ACO2: variants seen among roughly 807,000 people sequenced by gnomAD.
ACO2 encodes the protein aconitase 2, also known as aconitate hydratase, mitochondrial.
Under a neutral mutation model 84.5 loss-of-function variants are expected in ACO2, and 31 were observed. The observed-to-expected ratio is 0.37, with a 90% CI of 0.28 to 0.50. ACO2 has a LOEUF of 0.50. Ranked by LOEUF, ACO2 falls within the 20% of genes least tolerant of loss-of-function variation. ACO2 has a pLI of 0.97. For missense variants in ACO2, 685 were observed against 1,029.3 expected (o/e 0.67, Z 4.58); for synonymous variants, 414 against 412.7 (o/e 1.00, Z -0.04).
chr22:41,488,255 A>T (rs751697167), intron 1 of ACO2, among the ~76,000 whole-genome samples: 1 of 152,132 alleles, frequency 6.6e-6, no homozygotes, highest in Non-Finnish European at 1.5e-5. Flanking sequence ...GCTATAGCAG[A>T]TGGGACGTGG....
Position 41,515,711 on chromosome 22 carries a change from G to A in ACO2, c.685-56G>A, listed in dbSNP as rs537367472. On this transcript the variant is annotated intron_variant, in intron 5 of 17. Transcript: ENST00000216254. The surrounding 1 kb of genome is among the most constrained non-coding windows in gnomAD (Gnocchi z 5.8). ...ATGGCAGCAGGGCCATCCTGACTTCGTGGCTGGCACAGGCACACACGGCCT... is the reference window on the plus strand; with the variant it reads ...ATGGCAGCAGGGCCATCCTGACTTCATGGCTGGCACAGGCACACACGGCCT... 5.3e-5 allele frequency: 85 copies of A among 1,610,284 alleles called. 1 individual carries two copies. The Middle Eastern group carries it at 8.6e-4, about 16-fold the overall frequency.
At chr22:41,527,774 GTC>G in intron 16 of ACO2, 125 bp from the exon 17 acceptor site, 1 of 1,498,286 alleles carries the variant, frequency 6.7e-7, no homozygotes, top group Non-Finnish European at 9.0e-7. Context: ...GGGCCCCATA[GTC>G]ACTGCCCGGG....
chr22:41,494,241 C>T (rs937803254), intron 1 of ACO2, among the ~76,000 whole-genome samples: 4 of 152,152 alleles, frequency 2.6e-5, no homozygotes, highest in Admixed American at 1.3e-4. Context: ...ACAGCAGGCA[C>T]GTGGGTCACT....
chr22:41,527,187 G>T, intron 15 of ACO2, 101 bp from the exon 16 acceptor site: 1 of 1,574,520 alleles, frequency 6.4e-7, no homozygotes, highest in Non-Finnish European at 8.7e-7. Flanking sequence ...GGAGCCTCAG[G>T]ATGCCCAGGC....
At position 41,528,481 on chromosome 22, in the gene ACO2, C is replaced by T. The variant is rs1331612820; in HGVS notation, c.2211C>T (p.Pro737=). ...QGLKDFTPGK[P]LKCIIKHPNG... is the part of the protein sequence containing the mutation. ...CCACACCCACCTTCTCCTTGCAGCC[C>T]CTGAAGTGCATCATCAAGCACCCCA... The change falls in exon 18 of 18, where the codon CCC becomes CCT. Residue 737 remains proline (P), a splice_region_variant and synonymous_variant. Coordinates refer to ENST00000216254, the MANE Select transcript of ACO2 (RefSeq NM_001098.3). 1.9e-6 allele frequency: 3 copies of T among 1,612,114 alleles called. No individual in the cohort carries two copies. The highest frequency in any genetic ancestry group is 2.2e-5 in the South Asian group (2 of 90,990).
At chr22:41,497,927 C>T (rs1056113814) in intron 1 of ACO2, among the ~76,000 whole-genome samples, 1 of 151,852 alleles carries the variant, frequency 6.6e-6, no homozygotes, top group African/African-American at 2.4e-5. Flanking sequence ...AGGCGGATCA[C>T]GAGTTCAAGA....
At chr22:41,520,630 C>T (rs1440843033) in intron 9 of ACO2, among the ~76,000 whole-genome samples, 2 of 151,912 alleles carry the variant, frequency 1.3e-5, no homozygotes, top group African/African-American at 4.8e-5. Flanking sequence ...ATCATGAGGT[C>T]AGGAGATCGA....
chr22:41,524,975 GC>G lies in ACO2; in HGVS notation c.1605+10del. The G allele has an allele frequency of 1.2e-6, 2 of 1,614,130 alleles. No homozygotes were observed. The highest frequency in any genetic ancestry group is 2.2e-5 in the South Asian group (2 of 91,088). On this transcript the variant is annotated splice_region_variant and intron_variant, in intron 13 of 17. Transcript: ENST00000216254. The stretch of plus-strand genomic sequence containing the variant: ...AGATGAGCTTCCCAAAGGGGTGAGC[GC>G]CCACGCCCCCTGCTTGCTGGTTGCT...
rs185410101 is a variant in ACO2 at position 41,509,066 on chromosome 22, C to T, written c.432+1017C>T. Among the ~76,000 whole-genome samples the T allele has an allele frequency of 2.3e-3, 357 of 152,272 alleles. 2 individuals are homozygous for T. Among genetic ancestry groups the T allele is most frequent in the African/African-American group, 8.0e-3 (334 of 41,556 alleles). ...TGAAAGGACAGTCCTGCCTGCCGGCCGGCGGTTTCCACATTAGCAACAACA... is the reference window on the plus strand; with the variant it reads ...TGAAAGGACAGTCCTGCCTGCCGGCTGGCGGTTTCCACATTAGCAACAACA... On this transcript the variant is annotated intron_variant, in intron 3 of 17. Coordinates refer to ENST00000216254, the MANE Select transcript of ACO2 (RefSeq NM_001098.3).
Position 41,528,841 on chromosome 22 carries a change from C to T in ACO2, c.*228C>T, listed in dbSNP as rs1160237076. On this transcript the variant is annotated 3_prime_UTR_variant, in exon 18 of 18. Coordinates refer to ENST00000216254, the MANE Select transcript of ACO2 (RefSeq NM_001098.3). ...TGAGTTTGGTTCAGATCTTAAGCAGCTCCATGCAACTGTATTTATTTTTGA... is the reference window on the plus strand; with the variant it reads ...TGAGTTTGGTTCAGATCTTAAGCAGTTCCATGCAACTGTATTTATTTTTGA... 2.6e-5 allele frequency: 15 copies of T among 575,326 alleles called. No homozygotes were observed. The highest frequency in any genetic ancestry group is 2.4e-4 in the Admixed American group (7 of 29,354). 35.6% of individuals were successfully genotyped at this position (575,326 alleles called of 1,614,324 possible). A position where few individuals can be genotyped will look rare whatever the true frequency, so the allele number is the denominator to read the frequency against.
In ACO2 at chr22:41,507,781, C is replaced by T; in HGVS notation, c.174-10C>T. 1 of 1,611,156 alleles carries T rather than the reference C, an allele frequency of 6.2e-7. No individual in the cohort carries two copies. The highest frequency in any genetic ancestry group is 1.1e-5 in the South Asian group (1 of 90,708). On this transcript the variant is annotated splice_polypyrimidine_tract_variant and intron_variant, in intron 2 of 17. Coordinates refer to ENST00000216254, the MANE Select transcript of ACO2 (RefSeq NM_001098.3). ...AGCACCAGGCCACCCTTCTGCTCTT[C>T]TCCCCACAGACTGAACCGGCCGCTG... is the stretch of plus-strand genomic sequence containing the variant.
rs576127948 is a variant in ACO2, at chr22:41,508,022, G to A, written c.405G>A (p.Gly135=). 14 of 1,613,152 alleles carry A rather than the reference G, an allele frequency of 8.7e-6. No individual in the cohort carries two copies. The South Asian group carries it at 1.5e-4, about 18-fold the overall frequency. Residue 135 remains glycine, a synonymous_variant, in exon 3 of 18, where the codon GGG becomes GGA. Transcript: ENST00000216254. ...ACCATCTGATTGAAGCCCAGGTTGG[G>A]GGCGAGAAAGACCTGCGCCGGGCCA... ...HCDHLIEAQV[G]GEKDLRRAKD...
chr22:41,527,165 G>A, intron 15 of ACO2, 123 bp from the exon 16 acceptor site: 2 of 1,465,256 alleles, frequency 1.4e-6, no homozygotes, highest in Non-Finnish European at 9.4e-7. Context: ...GGCCCCTCCA[G>A]CCCCTTTACC....
chr22:41,486,252 A>G (rs1206072670), intron 1 of ACO2, among the ~76,000 whole-genome samples: 1 of 152,016 alleles, frequency 6.6e-6, no homozygotes, highest in East Asian at 1.9e-4. Context: ...ATAGAGTGCA[A>G]ATGTGCTGCT....
intron 16 of ACO2, 179 bp downstream of exon 16, chr22:41,527,599 G>C (rs976008265): frequency 1.1e-6 from 1 of 923,322 alleles, no homozygotes. Flanking sequence ...CAGCTTCCCG[G>C]CTTCCCGCAG....
chr22:41,491,596 A>G (rs1485412437), intron 1 of ACO2, among the ~76,000 whole-genome samples: 2 of 152,214 alleles, frequency 1.3e-5, no homozygotes, highest in Non-Finnish European at 2.9e-5. Context: ...AGTAAGAAAA[A>G]TAAGAAGAGG....
At position 41,489,338 on chromosome 22, in the gene ACO2, A is replaced by G. The variant is rs150759108; in HGVS notation, c.37-10388A>G. The stretch of plus-strand genomic sequence containing the variant: ...GGATTACAGGTGTTGTGAGCCCTGC[A>G]CTGGCCAAATAATAATACTCTTAAT... On this transcript the variant is annotated intron_variant, in intron 1 of 17. Transcript: ENST00000216254. Among the ~76,000 whole-genome samples the G allele has an allele frequency of 1.4e-3, 209 of 152,278 alleles. 5 individuals carry two copies. In the East Asian group the frequency reaches 0.035, roughly 25 times the overall value.
Position 41,527,380 on chromosome 22 carries a change from G to C in ACO2, c.2046G>C (p.Gly682=). 6.2e-7 allele frequency: 1 copy of C among 1,613,716 alleles called. No individual in the cohort carries two copies. The highest frequency in any genetic ancestry group is 8.5e-7 in the Non-Finnish European group (1 of 1,179,962). ...CAGCTCTGGAGCCTCGCCACCTTGG[G>C]GGCCGGGCCATCATCACCAAGAGCT... The part of the protein sequence containing the change: ...EHAALEPRHL[G]GRAIITKSFA... Residue 682 remains glycine (G), a synonymous_variant, in exon 16 of 18, where the codon GGG becomes GGC. Transcript: ENST00000216254.
intron 11 of ACO2, 37 bp from the exon 12 acceptor site, chr22:41,523,793 C>G: frequency 6.4e-7 from 1 of 1,568,350 alleles, no homozygotes; most frequent in African/African-American, 1.3e-5. Flanking sequence ...GGTGACAAGG[C>G]CAGATATCCC....
Sources: gnomAD v4.1 joint callset for allele counts (sites outside exome capture counted in the v4.1 genomes callset) on GRCh38, gnomAD v4.1.1 for gene constraint, Gnocchi (gnomAD v3.1) non-coding constraint, MANE v1.5 for transcripts, NCBI Gene and HGNC (gene_info 2026-07-23, HGNC 2026-07-21) for gene names.